Variants in DISP2 observed in about 807,000 individuals in gnomAD.
The protein encoded by DISP2 is protein dispatched homolog 2.
In DISP2, 59 loss-of-function variants were observed where a neutral mutation model predicts 95.5. The ratio of observed to expected loss-of-function variants is 0.62; its 90% CI spans 0.50 to 0.77. The LOEUF (loss-of-function observed/expected upper bound fraction) is 0.77. DISP2 is among the 30% of genes least tolerant of loss of function. DISP2 has a pLI of 0.00. For missense variants in DISP2, 1,752 were observed against 1,854.6 expected, an observed-to-expected ratio of 0.94 and a Z score of 1.02; for synonymous variants, 827 against 815.0, an observed-to-expected ratio of 1.01 and a Z score of -0.25.
Position 40,378,131 on chromosome 15 carries a change from A to G in DISP2, c.*7813A>G. 6.6e-6 allele frequency: 1 copy of G among 152,362 alleles called. No homozygotes were observed. The highest frequency in any genetic ancestry group is 1.9e-4 in the East Asian group (1 of 5,194). 9.4% of individuals were successfully genotyped at this position (152,362 alleles called of 1,614,324 possible). ...CCAATAAAAAATTACCAGTCATGCA[A>G]ACTATAACCCATCATAAGGAGAAAA... On this transcript the variant is annotated 3_prime_UTR_variant, in exon 8 of 8. Transcript: ENST00000267889.
chr15:40,370,701 C>T lies in DISP2; in HGVS notation c.*383C>T. On this transcript the variant is annotated 3_prime_UTR_variant, in exon 8 of 8. Coordinates refer to ENST00000267889, the MANE Select transcript of DISP2 (RefSeq NM_033510.3). ...TTCAGTGAGACTAAGGGACCCCCAT[C>T]CTAGGGATCTTGTCAGGGTTCCTTA... 4.2e-6 allele frequency: 2 copies of T among 479,664 alleles called. No individual in the cohort carries two copies. Among genetic ancestry groups the T allele is most frequent in the Non-Finnish European group, 8.2e-6 (2 of 243,128 alleles). 29.7% of individuals were successfully genotyped at this position (479,664 alleles called of 1,614,324 possible).
At position 40,358,405 on chromosome 15, in the gene DISP2, G is replaced by A; in HGVS notation, c.84G>A (p.Gly28=). 1 of 1,347,114 alleles carries A rather than the reference G, an allele frequency of 7.4e-7. No individual in the cohort carries two copies. The highest frequency in any genetic ancestry group is 9.5e-7 in the Non-Finnish European group (1 of 1,053,090). 83.4% of individuals were successfully genotyped at this position (1,347,114 alleles called of 1,614,324 possible). The change falls in exon 1 of 8, where the codon GGG becomes GGA. Residue 28 remains glycine (G), a synonymous_variant. Transcript: ENST00000267889. ...CGGAAGGGGAGCAACGGCCCGAGGG[G>A]GAGCCCTTGGCCCCAGACGGCGGCT... ...PGPEGEQRPE[G]EPLAPDGGSP... is the part of the protein sequence containing the mutation.
In DISP2 at chr15:40,376,723, T is replaced by A. The variant is rs1889736027; in HGVS notation, c.*6405T>A. On this transcript the variant is annotated 3_prime_UTR_variant, in exon 8 of 8. Transcript: ENST00000267889. ...CAGAGGCTGAAGCAAGAGGATCACTTGAACTCTGGAGTTCGAGGTTACAGT... is the reference window on the plus strand; with the variant it reads ...CAGAGGCTGAAGCAAGAGGATCACTAGAACTCTGGAGTTCGAGGTTACAGT... 6.6e-6 allele frequency: 1 copy of A among 152,176 alleles called. No homozygotes were observed. The highest frequency in any genetic ancestry group is 1.9e-4 in the East Asian group (1 of 5,202). 9.4% of individuals were successfully genotyped at this position (152,176 alleles called of 1,614,324 possible).
chr15:40,369,919 C>A lies in DISP2; in HGVS notation c.3807C>A (p.His1269Gln). 6.3e-7 allele frequency: 1 copy of A among 1,580,988 alleles called. No homozygotes were observed. The highest frequency in any genetic ancestry group is 8.6e-7 in the Non-Finnish European group (1 of 1,161,730). ...PLPASPEAPA[H>Q]SPKAKAADPP... Reference sequence around the variant, plus strand: ...CAGCCTCACCAGAAGCCCCAGCCCACTCTCCTAAGGCCAAGGCTGCAGATC... The same window carrying A: ...CAGCCTCACCAGAAGCCCCAGCCCAATCTCCTAAGGCCAAGGCTGCAGATC... Residue 1269 changes from histidine (H) to glutamine (Q), a missense_variant, in exon 8 of 8, where the codon CAC becomes CAA. Around this residue, in one of 5 missense-constraint regions of DISP2, gnomAD observed 347 missense variants for 344.2 expected, o/e 1.01. Coordinates refer to ENST00000267889, the MANE Select transcript of DISP2 (RefSeq NM_033510.3).
At position 40,375,578 on chromosome 15, in the gene DISP2, A is replaced by C. The variant is rs1358743813; in HGVS notation, c.*5260A>C. ...CTTCATGAAGAAAACTGAAGCCTTC[A>C]AATAGAAATTTCCTCACCTTCAAGG... On this transcript the variant is annotated 3_prime_UTR_variant, in exon 8 of 8. Coordinates refer to ENST00000267889, the MANE Select transcript of DISP2 (RefSeq NM_033510.3). The C allele has an allele frequency of 1.3e-5, 2 of 151,276 alleles. No homozygotes were observed. Among genetic ancestry groups the C allele is most frequent in the African/African-American group, 4.9e-5 (2 of 41,100 alleles). The allele number at this position is 151,276 out of a possible 1,614,324, so 9.4% of individuals were successfully genotyped here. A position where few individuals can be genotyped will look rare whatever the true frequency, so the allele number is the denominator to read the frequency against.
rs1159549686 is a variant in DISP2, at chr15:40,363,665, A to G, written c.160A>G (p.Arg54Gly). Reference protein sequence around the residue: ...KAVPPEASPERSCSLHSCPLE... With the variant: ...KAVPPEASPEGSCSLHSCPLE... ...TGTGCCCCCTGAGGCAAGCCCAGAG[A>G]GAAGCTGCTCCCTCCACAGCTGCCC... Residue 54 changes from arginine to glycine, a missense_variant, in exon 2 of 8, where the codon AGA becomes GGA. Physicochemically the swap from Arg to Gly is moderately radical, Grantham distance 125. This residue lies in a region of DISP2 where 342 missense variants were observed against 364.3 expected (regional missense o/e 0.94). Coordinates refer to ENST00000267889, the MANE Select transcript of DISP2 (RefSeq NM_033510.3). 6.3e-7 allele frequency: 1 copy of G among 1,575,076 alleles called. No homozygotes were observed. Among genetic ancestry groups the G allele is most frequent in the East Asian group, 2.2e-5 (1 of 44,480 alleles).
Position 40,368,532 on chromosome 15 carries a change from A to G in DISP2, c.2420A>G (p.Glu807Gly). The change falls in exon 8 of 8, where the codon GAG becomes GGG. Residue 807 changes from glutamate (E) to glycine (G), a missense_variant. By Grantham distance (98) the Glu-to-Gly change is moderately conservative. This residue lies in a region of DISP2 where 732 missense variants were observed against 714.6 expected (regional missense o/e 1.02). Coordinates refer to ENST00000267889, the MANE Select transcript of DISP2 (RefSeq NM_033510.3). ...RDPAFSASGP[E>G]AQRWLLALCH... Reference sequence around the variant, plus strand: ...CCTGCCTTCTCGGCCAGCGGCCCTGAGGCCCAGCGCTGGCTGCTGGCACTC... The same window carrying G: ...CCTGCCTTCTCGGCCAGCGGCCCTGGGGCCCAGCGCTGGCTGCTGGCACTC... 1 of 1,605,362 alleles carries G rather than the reference A, an allele frequency of 6.2e-7. No individual in the cohort carries two copies. The highest frequency in any genetic ancestry group is 8.5e-7 in the Non-Finnish European group (1 of 1,179,886).
intron 7 of DISP2, among the ~76,000 whole-genome samples, chr15:40,366,220 A>G (rs763196615): frequency 6.6e-6 from 1 of 152,256 alleles, no homozygotes; most frequent in Admixed American, 6.5e-5. Context: ...GGTTAAGAAC[A>G]TGCATTATAG....
chr15:40,367,812 G>T lies in DISP2; in HGVS notation c.1700G>T (p.Arg567Leu). The stretch of plus-strand genomic sequence containing the variant: ...ACGCTCATCTTCTTCGACCTGTGGC[G>T]CCTTAGCAAGAGCCAGCTGCCGTCG... Reference protein sequence around the residue: ...NHTLIFFDLWRLSKSQLPSGG... With the variant: ...NHTLIFFDLWLLSKSQLPSGG... Residue 567 changes from arginine to leucine, a missense_variant, in exon 8 of 8, where the codon CGC (arginine) becomes CTC (leucine). Physicochemically the swap from Arg to Leu is moderately radical, Grantham distance 102. Coordinates refer to ENST00000267889, the MANE Select transcript of DISP2 (RefSeq NM_033510.3). The T allele has an allele frequency of 1.2e-6, 2 of 1,604,716 alleles. No individual in the cohort carries two copies. Among genetic ancestry groups the T allele is most frequent in the Non-Finnish European group, 8.5e-7 (1 of 1,179,966 alleles).
rs1243721275 is a variant in DISP2 at position 40,374,581 on chromosome 15, A to C, written c.*4263A>C. On this transcript the variant is annotated 3_prime_UTR_variant, in exon 8 of 8. Transcript: ENST00000267889. ...TAAGAAAGAGGATACATTGGTTTAC[A>C]ACCTTTGCCTATCGTCCAGAGAGTT... The C allele has an allele frequency of 7.6e-6, 1 of 131,238 alleles. No individual in the cohort carries two copies. Among genetic ancestry groups the C allele is most frequent in the African/African-American group, 2.7e-5 (1 of 36,636 alleles). 8.1% of individuals were successfully genotyped at this position (131,238 alleles called of 1,614,324 possible).
chr15:40,361,387 G>A (rs955038720), intron 1 of DISP2, among the ~76,000 whole-genome samples: 1 of 152,226 alleles, frequency 6.6e-6, no homozygotes, highest in South Asian at 2.1e-4. Flanking sequence ...GTGGGAAGGG[G>A]CAGGAAAGCA....
At chr15:40,362,884 G>C (rs1227672481) in intron 1 of DISP2, among the ~76,000 whole-genome samples, 1 of 152,248 alleles carries the variant, frequency 6.6e-6, no homozygotes. Flanking sequence ...GACGACTGCA[G>C]CAGAAAGAGC....
At position 40,369,529 on chromosome 15, in the gene DISP2, T is replaced by C. The variant is rs370247552; in HGVS notation, c.3417T>C (p.Pro1139=). The change falls in exon 8 of 8, where the codon CCT becomes CCC. Residue 1139 remains proline, a synonymous_variant. Coordinates refer to ENST00000267889, the MANE Select transcript of DISP2 (RefSeq NM_033510.3). ...HLPWDAGTGD[P]GGEKAGRPRP... ...CATGGGATGCTGGTACTGGGGACCCTGGTGGGGAGAAGGCAGGCCGCCCAC... is the reference window on the plus strand; with the variant it reads ...CATGGGATGCTGGTACTGGGGACCCCGGTGGGGAGAAGGCAGGCCGCCCAC... 7 of 1,612,800 alleles carry C rather than the reference T, an allele frequency of 4.3e-6. No homozygotes were observed. In the African/African-American group the frequency reaches 9.3e-5, roughly 22 times the overall value.
chr15:40,369,630 G>T lies in DISP2; in HGVS notation c.3518G>T (p.Ser1173Ile). 1.2e-6 allele frequency: 2 copies of T among 1,611,644 alleles called. No homozygotes were observed. The highest frequency in any genetic ancestry group is 3.3e-5 in the Admixed American group (2 of 60,024). The change falls in exon 8 of 8, where the codon AGC becomes ATC. Residue 1173 changes from serine to isoleucine, a missense_variant. This residue lies in a region of DISP2 where 347 missense variants were observed against 344.2 expected (regional missense o/e 1.01). Transcript: ENST00000267889. ...CTACAGCCCCTGGCACGGCGTCGGA[G>T]CCCCAGCTTTGACACCAGCACAGCC... ...YELQPLARRR[S>I]PSFDTSTATS... is the part of the protein sequence containing the mutation.
At chr15:40,359,640 T>A (rs535607535) in intron 1 of DISP2, among the ~76,000 whole-genome samples, 1 of 152,354 alleles carries the variant, frequency 6.6e-6, no homozygotes, top group South Asian at 2.1e-4. Flanking sequence ...ATCAGCCATG[T>A]CCAGTCTCAT....
rs761925172 is a variant in DISP2 at position 40,367,232 on chromosome 15, T to G, written c.1120T>G (p.Tyr374Asp). 3 of 1,614,010 alleles carry G rather than the reference T, an allele frequency of 1.9e-6. No homozygotes were observed. The Admixed American group carries it at 5.0e-5, about 27-fold the overall frequency. Residue 374 changes from tyrosine (Y) to aspartate (D), a missense_variant, in exon 8 of 8, where the codon TAC (tyrosine) becomes GAC (aspartate). Around this residue, in one of 5 missense-constraint regions of DISP2, gnomAD observed 732 missense variants for 714.6 expected, o/e 1.02. Transcript: ENST00000267889. ...TLALLRTCAL[Y>D]YHSGALVPSC... is the part of the protein sequence containing the mutation. ...GGCCCTGCTTCGGACCTGTGCCCTCTACTACCACAGTGGCGCCTTGGTGCC... is the reference window on the plus strand; with the variant it reads ...GGCCCTGCTTCGGACCTGTGCCCTCGACTACCACAGTGGCGCCTTGGTGCC...
Position 40,368,507 on chromosome 15 carries a change from C to A in DISP2, c.2395C>A (p.Pro799Thr). The A allele has an allele frequency of 6.2e-7, 1 of 1,607,184 alleles. No homozygotes were observed. Among genetic ancestry groups the A allele is most frequent in the Non-Finnish European group, 8.5e-7 (1 of 1,179,902 alleles). Reference protein sequence around the residue: ...PRSNSSLVRDPAFSASGPEAQ... With the variant: ...PRSNSSLVRDTAFSASGPEAQ... ...TAGCAACAGCAGCCTGGTGAGGGAC[C>A]CTGCCTTCTCGGCCAGCGGCCCTGA... Residue 799 changes from proline (P) to threonine (T), a missense_variant, in exon 8 of 8, where the codon CCT becomes ACT. Pro to Thr is a conservative substitution (Grantham distance 38). Around this residue, in one of 5 missense-constraint regions of DISP2, gnomAD observed 732 missense variants for 714.6 expected, o/e 1.02. Coordinates refer to ENST00000267889, the MANE Select transcript of DISP2 (RefSeq NM_033510.3).
In DISP2 at chr15:40,372,042, A is replaced by C. The variant is rs1369294129; in HGVS notation, c.*1724A>C. 1 of 152,194 alleles carries C rather than the reference A, an allele frequency of 6.6e-6. No homozygotes were observed. Among genetic ancestry groups the C allele is most frequent in the Non-Finnish European group, 1.5e-5 (1 of 68,022 alleles). 9.4% of individuals were successfully genotyped at this position (152,194 alleles called of 1,614,324 possible). ...CTGGAAGGGGCCTTGGCGATCGTTT[A>C]TTCCAGCAGTTTTCAAATTTTGTAG... is the stretch of plus-strand genomic sequence containing the variant. On this transcript the variant is annotated 3_prime_UTR_variant, in exon 8 of 8. Coordinates refer to ENST00000267889, the MANE Select transcript of DISP2 (RefSeq NM_033510.3).
rs1419339219 is a variant in DISP2 at position 40,378,499 on chromosome 15, A to C, written c.*8181A>C. ...ATATGTGGTCTATGGAATGTTAATT[A>C]TATCTCAATAAAGCTGTTAAAATTG... is the stretch of plus-strand genomic sequence containing the variant. On this transcript the variant is annotated 3_prime_UTR_variant, in exon 8 of 8. Transcript: ENST00000267889. 6.6e-6 allele frequency: 1 copy of C among 152,254 alleles called. No homozygotes were observed. The highest frequency in any genetic ancestry group is 2.4e-5 in the African/African-American group (1 of 41,466). The allele number at this position is 152,254 out of a possible 1,614,324, so 9.4% of individuals were successfully genotyped here.
Sources: allele counts gnomAD v4.1 joint callset (sites outside exome capture counted in the v4.1 genomes callset), GRCh38; gene constraint gnomAD v4.1.1; regional missense constraint gnomAD v4.1.1; transcripts MANE v1.5; gene names NCBI Gene and HGNC (gene_info 2026-07-23, HGNC 2026-07-21).